The following XKR5 variants were observed in gnomAD, a reference collection of about 807,000 sequenced individuals.
The protein encoded by XKR5 is XK related 5.
XKR5 carries 46 observed loss-of-function variants against 40.8 expected under a neutral mutation model. That is an observed-to-expected ratio of 1.13 (90% CI 0.89 to 1.44). The LOEUF is 1.44. Ranked by LOEUF, XKR5 falls within the 40% of genes most tolerant of loss-of-function variation. XKR5 has a pLI of 0.00. For synonymous variants in XKR5, 466 were observed against 356.1 expected (o/e 1.31, Z -3.48); for missense variants, 1,169 against 844.7 (o/e 1.38, Z -4.76).
chr8:6,824,540 T>G (rs1804373993), intron 3 of XKR5, among the ~76,000 whole-genome samples: 1 of 152,080 alleles, frequency 6.6e-6, no homozygotes, highest in South Asian at 2.1e-4. Context: ...TTATTATTAT[T>G]ATTATTTTGA....
At chr8:6,819,192 G>A (rs915476351) in intron 5 of XKR5, among the ~76,000 whole-genome samples, 2 of 152,246 alleles carry the variant, frequency 1.3e-5, no homozygotes, top group South Asian at 2.1e-4. Context: ...GGGGCTTCCA[G>A]ACAGGAATTG....
intron 2 of XKR5, among the ~76,000 whole-genome samples, chr8:6,825,970 G>A (rs969156804): frequency 1.3e-5 from 2 of 152,142 alleles, no homozygotes; most frequent in African/African-American, 4.8e-5. Context: ...TCAGGGCCCT[G>A]AACTTCAGGC....
intron 5 of XKR5, 99 bp downstream of exon 5, chr8:6,821,770 G>A (rs933799544): frequency 2.2e-5 from 23 of 1,022,886 alleles, no homozygotes; most frequent in Non-Finnish European, 2.9e-5. Flanking sequence ...AGATAGGTGT[G>A]CATTGGTGCA....
At chr8:6,827,860 G>A (rs904459965) in intron 2 of XKR5, among the ~76,000 whole-genome samples, 2 of 152,168 alleles carry the variant, frequency 1.3e-5, no homozygotes, top group African/African-American at 4.8e-5. Flanking sequence ...GAGCTTGGGA[G>A]TTTGAGACCA....
intron 5 of XKR5, among the ~76,000 whole-genome samples, chr8:6,818,640 A>T (rs891531250): frequency 6.6e-6 from 1 of 152,212 alleles, no homozygotes; most frequent in Non-Finnish European, 1.5e-5. Flanking sequence ...TCATAGTGTC[A>T]CCTGTGGCTG....
intron 3 of XKR5, 90 bp from the exon 4 acceptor site, chr8:6,823,820 G>T: frequency 8.7e-7 from 1 of 1,147,070 alleles, no homozygotes; most frequent in Non-Finnish European, 1.3e-6. Context: ...TTCTTTAATG[G>T]GATGTGTAAC....
chr8:6,825,108 A>G (rs2117104439), intron 3 of XKR5, 57 bp downstream of exon 3: 4 of 1,596,436 alleles, frequency 2.5e-6, no homozygotes, highest in African/African-American at 1.3e-5. Flanking sequence ...ACAGGCTCAC[A>G]TTCCTGTCCC....
At chr8:6,825,766 T>A (rs1453791073) in intron 2 of XKR5, among the ~76,000 whole-genome samples, 1 of 152,190 alleles carries the variant, frequency 6.6e-6, no homozygotes, top group African/African-American at 2.4e-5. Context: ...TATCATCTCT[T>A]TGAAGGACAA....
At chr8:6,815,319 C>A (rs561500087) in intron 6 of XKR5, among the ~76,000 whole-genome samples, 107 of 152,304 alleles carry the variant, frequency 7.0e-4, no homozygotes, top group African/African-American at 2.6e-3. Flanking sequence ...CAGGCCTGCA[C>A]TGGAGCTGGG....
intron 2 of XKR5, among the ~76,000 whole-genome samples, chr8:6,832,284 C>T (rs2741097): frequency 0.037 from 5,577 of 152,212 alleles, 176 homozygotes; most frequent in African/African-American, 0.084. Flanking sequence ...TTTCCTGAGA[C>T]GAAGTCTTGA....
rs754682550 is a variant in XKR5 at position 6,823,626 on chromosome 8, C to A, written c.532G>T (p.Ala178Ser). The change falls in exon 4 of 7, where the codon GCC (alanine) becomes TCC (serine). Residue 178 changes from alanine to serine, a missense_variant. Coordinates refer to ENST00000618742, the MANE Select transcript of XKR5 (RefSeq NM_207411.5). Reference protein sequence around the residue: ...KPGHLAMPWAALFCQQLWRMG... With the variant: ...KPGHLAMPWASLFCQQLWRMG... ...CTCCAGAGCTGCTGGCAGAAGAGGG[C>A]GGCCCATGGCATGGCCAGGTGGCCT... The A allele has an allele frequency of 6.3e-7, 1 of 1,593,014 alleles. No individual in the cohort carries two copies. The highest frequency in any genetic ancestry group is 1.8e-5 in the Admixed American group (1 of 56,912).
At chr8:6,830,947 G>T (rs751512676) in intron 2 of XKR5, among the ~76,000 whole-genome samples, 1 of 152,182 alleles carries the variant, frequency 6.6e-6, no homozygotes, top group Non-Finnish European at 1.5e-5. Context: ...GAAGGCAGTG[G>T]ATTCCATGAG....
intron 1 of XKR5, among the ~76,000 whole-genome samples, chr8:6,834,307 G>A (rs192143467): frequency 6.6e-5 from 10 of 152,376 alleles, no homozygotes; most frequent in African/African-American, 2.4e-4. Flanking sequence ...AGGTACAGCT[G>A]CAGACGCTGC....
intron 2 of XKR5, among the ~76,000 whole-genome samples, chr8:6,829,966 T>C (rs1044914777): frequency 7.4e-5 from 11 of 149,386 alleles, no homozygotes; most frequent in Non-Finnish European, 1.5e-5. Flanking sequence ...GCCTCCCAAG[T>C]AGCTGGGACT....
chr8:6,816,027 A>C, intron 5 of XKR5, 109 bp from the exon 6 acceptor site: 2 of 753,042 alleles, frequency 2.7e-6, no homozygotes, highest in Non-Finnish European at 4.4e-6. Flanking sequence ...CTGAGTGCCC[A>C]CTGGAGACTC....
At chr8:6,832,323 T>C (rs997065147) in intron 2 of XKR5, among the ~76,000 whole-genome samples, 2 of 152,246 alleles carry the variant, frequency 1.3e-5, no homozygotes, top group Non-Finnish European at 2.9e-5. Flanking sequence ...GGCTTCATTG[T>C]CTAGTCTGTG....
rs915733744 is a variant in XKR5 at position 6,809,603 on chromosome 8, C to T, written c.*1595G>A. 3.9e-5 allele frequency: 6 copies of T among 152,186 alleles called. 1 individual carries two copies. Among genetic ancestry groups the T allele is most frequent in the African/African-American group, 1.4e-4 (6 of 41,458 alleles). 9.4% of individuals were successfully genotyped at this position (152,186 alleles called of 1,614,324 possible). A position where few individuals can be genotyped will look rare whatever the true frequency, so the allele number is the denominator to read the frequency against. ...TGCATCCGACCCAAAGTCTCGTTAT[C>T]TTCACCTGTTGTATGGAAAGTTTGT... On this transcript the variant is annotated 3_prime_UTR_variant, in exon 7 of 7. Coordinates refer to ENST00000618742, the MANE Select transcript of XKR5 (RefSeq NM_207411.5).
rs1803688682 is a variant in XKR5, at chr8:6,811,548, T to C, written c.1711A>G (p.Arg571Gly). Residue 571 changes from arginine (R) to glycine (G), a missense_variant, in exon 7 of 7, where the codon AGG (arginine) becomes GGG (glycine). Physicochemically the swap from Arg to Gly is moderately radical, Grantham distance 125. Coordinates refer to ENST00000618742, the MANE Select transcript of XKR5 (RefSeq NM_207411.5). ...TGGGCAGGGCTGCTCTTTCCCAGCC[T>C]CCTTCCAGAGTGGGCCGTTTGCAGA... Reference protein sequence around the residue: ...ATLQTAHSGRRLGKSSPAQPA... With the variant: ...ATLQTAHSGRGLGKSSPAQPA... 1 of 1,535,920 alleles carries C rather than the reference T, an allele frequency of 6.5e-7. No homozygotes were observed. Among genetic ancestry groups the C allele is most frequent in the African/African-American group, 1.4e-5 (1 of 73,172 alleles).
intron 6 of XKR5, among the ~76,000 whole-genome samples, chr8:6,814,813 T>A (rs1451204086): frequency 1.3e-5 from 2 of 152,170 alleles, no homozygotes; most frequent in African/African-American, 4.8e-5. Flanking sequence ...AGCCACAGTG[T>A]GTGACATTTC....
Sources: allele counts gnomAD v4.1 joint callset (sites outside exome capture counted in the v4.1 genomes callset), GRCh38; gene constraint gnomAD v4.1.1; transcripts MANE v1.5; gene names NCBI Gene and HGNC (gene_info 2026-07-23, HGNC 2026-07-21).